DNAH9: variants seen among roughly 807,000 people sequenced by gnomAD.
DNAH9 encodes DNAH9 variant protein.
DNAH9 carries 345 observed loss-of-function variants against 471.6 expected under a neutral mutation model. That is an observed-to-expected ratio of 0.73 (90% confidence interval 0.67 to 0.80). DNAH9 has a LOEUF of 0.80. Ranked by LOEUF, DNAH9 falls within the 30% of genes least tolerant of loss-of-function variation. DNAH9 has a pLI of 0.00. For synonymous variants in DNAH9, 2,093 were observed against 2,123.6 expected, an observed-to-expected ratio of 0.99 and a Z score of 0.40; for missense variants, 5,407 against 5,609.2, an observed-to-expected ratio of 0.96 and a Z score of 1.15.
chr17:11,891,622 C>T (rs1164675117), intron 57 of DNAH9, among the ~76,000 whole-genome samples, 155 bp from the exon 58 acceptor site: 1 of 89,570 alleles, frequency 1.1e-5, no homozygotes, highest in African/African-American at 2.8e-5. Context: ...ACCTTGGCCT[C>T]CCAAAGCACT....
Position 11,719,438 on chromosome 17 carries a change from C to T in DNAH9, c.5657C>T (p.Ala1886Val). 1 of 1,613,920 alleles carries T rather than the reference C, an allele frequency of 6.2e-7. No homozygotes were observed. Among genetic ancestry groups the T allele is most frequent in the Admixed American group, 1.7e-5 (1 of 60,008 alleles). Residue 1886 changes from alanine (A) to valine (V), a missense_variant, in exon 27 of 69, where the codon GCA becomes GTA. By Grantham distance (64) the Ala-to-Val change is moderately conservative (BLOSUM62 0). This residue lies in a region of DNAH9 where 4,636 missense variants were observed against 4,900.3 expected (regional missense o/e 0.95). Transcript: ENST00000262442. The part of the protein sequence containing the change: ...KTETTKDLGR[A>V]LGILVYVFNC... Reference sequence around the variant, plus strand: ...GAGACCACCAAGGACCTGGGCCGCGCACTGGGCATCCTGGTCTATGTGTTC... The same window carrying T: ...GAGACCACCAAGGACCTGGGCCGCGTACTGGGCATCCTGGTCTATGTGTTC...
intron 38 of DNAH9, among the ~76,000 whole-genome samples, chr17:11,774,563 TGA>T (rs1200838848): frequency 2.0e-5 from 3 of 152,090 alleles, no homozygotes; most frequent in African/African-American, 7.2e-5. Context: ...TCAAATCTCA[TGA>T]GACTTATTCA....
intron 27 of DNAH9, among the ~76,000 whole-genome samples, chr17:11,721,849 G>T (rs2075065935): frequency 6.6e-6 from 1 of 152,200 alleles, no homozygotes; most frequent in African/African-American, 2.4e-5. Flanking sequence ...ATATTCCAGA[G>T]TAGGGGGAGA....
At chr17:11,800,773 C>T (rs1567811292) in intron 43 of DNAH9, among the ~76,000 whole-genome samples, 2 of 152,180 alleles carry the variant, frequency 1.3e-5, no homozygotes, top group Non-Finnish European at 2.9e-5. Flanking sequence ...TGTCTGTTTG[C>T]ATCATCCACT....
intron 43 of DNAH9, among the ~76,000 whole-genome samples, chr17:11,800,349 C>T (rs144871583): frequency 2.0e-5 from 3 of 151,342 alleles, no homozygotes; most frequent in Admixed American, 1.3e-4. Context: ...CTTCACCTCT[C>T]GCTGTAATTA....
At chr17:11,965,431 A>AAGAATATAGACTTTACAG (rs1472390448) in intron 68 of DNAH9, among the ~76,000 whole-genome samples, 3 of 152,238 alleles carry the variant, frequency 2.0e-5, no homozygotes, top group African/African-American at 7.2e-5. Flanking sequence ...ATACTTGACA[A>AAGAATATAGACTTTACAG]AGAATATAGA....
intron 39 of DNAH9, 41 bp from the exon 40 acceptor site, chr17:11,783,605 G>A (rs1968747648): frequency 6.5e-7 from 1 of 1,537,270 alleles, no homozygotes; most frequent in East Asian, 2.3e-5. Context: ...ACCTGCCTCA[G>A]TCCTCAGACA....
chr17:11,930,118 A>T, intron 63 of DNAH9, 25 bp downstream of exon 63: 1 of 1,590,822 alleles, frequency 6.3e-7, no homozygotes, highest in Non-Finnish European at 8.6e-7. Flanking sequence ...GGGAGGCAAA[A>T]ACAGCAGCAC....
At chr17:11,946,953 T>C (rs561027267) in intron 67 of DNAH9, among the ~76,000 whole-genome samples, 3 of 152,282 alleles carry the variant, frequency 2.0e-5, no homozygotes, top group East Asian at 3.9e-4. Context: ...GAAAAAGATA[T>C]TGTTATTCAC....
At chr17:11,873,715 CAT>C (rs993022563) in intron 52 of DNAH9, among the ~76,000 whole-genome samples, 1 of 145,698 alleles carries the variant, frequency 6.9e-6, no homozygotes, top group Non-Finnish European at 1.5e-5. Flanking sequence ...GGACAGAAAA[CAT>C]ATTCATAGTT....
At chr17:11,718,706 A>T (rs571390432) in intron 26 of DNAH9, among the ~76,000 whole-genome samples, 1 of 152,298 alleles carries the variant, frequency 6.6e-6, no homozygotes, top group African/African-American at 2.4e-5. Flanking sequence ...AGTTCTGGAG[A>T]TTAAACAATG....
intron 26 of DNAH9, among the ~76,000 whole-genome samples, chr17:11,712,542 CAT>C (rs138185261): frequency 0.015 from 2,318 of 152,236 alleles, 30 homozygotes; most frequent in Non-Finnish European, 0.021. Flanking sequence ...ACACCAACAA[CAT>C]GTGAGGATTC....
At chr17:11,762,766 T>TTTTTG (rs777342371) in intron 35 of DNAH9, among the ~76,000 whole-genome samples, 10 of 87,236 alleles carry the variant, frequency 1.1e-4, no homozygotes, top group Non-Finnish European at 2.3e-4. Context: ...GCGTTTTTTT[T>TTTTTG]TTTGTTTTTT....
intron 38 of DNAH9, among the ~76,000 whole-genome samples, 172 bp from the exon 39 acceptor site, chr17:11,780,837 C>G (rs568166606): frequency 6.8e-4 from 103 of 152,332 alleles, no homozygotes; most frequent in Middle Eastern, 6.8e-3. Context: ...CTTTCTGGTC[C>G]TGTAGAATGC....
chr17:11,942,170 T>C, intron 66 of DNAH9, 133 bp from the exon 67 acceptor site: 1 of 1,243,606 alleles, frequency 8.0e-7, no homozygotes. Context: ...CAGGCAAGAG[T>C]TTGGCCATGT....
intron 48 of DNAH9, among the ~76,000 whole-genome samples, chr17:11,831,615 C>A (rs531040590): frequency 1.3e-5 from 2 of 152,282 alleles, no homozygotes; most frequent in East Asian, 3.9e-4. Flanking sequence ...GGCTTCTTCT[C>A]CTTCTATGGC....
intron 20 of DNAH9, among the ~76,000 whole-genome samples, chr17:11,690,790 T>C (rs950720284): frequency 6.6e-6 from 1 of 152,234 alleles, no homozygotes; most frequent in East Asian, 1.9e-4. Flanking sequence ...AAAATTCAAG[T>C]GTCCACTGAA....
chr17:11,920,314 T>C (rs1442905262), intron 61 of DNAH9, among the ~76,000 whole-genome samples: 1 of 151,416 alleles, frequency 6.6e-6, no homozygotes, highest in Non-Finnish European at 1.5e-5. Flanking sequence ...GGGATTATGG[T>C]TGGAGTTAAG....
intron 26 of DNAH9, among the ~76,000 whole-genome samples, chr17:11,717,962 C>T (rs1343128351): frequency 6.6e-6 from 1 of 152,194 alleles, no homozygotes; most frequent in East Asian, 1.9e-4. Flanking sequence ...CAACCTCCTC[C>T]TCCCAGGCTC....
Sources: allele counts gnomAD v4.1 joint callset (sites outside exome capture counted in the v4.1 genomes callset), GRCh38; gene constraint gnomAD v4.1.1; regional missense constraint gnomAD v4.1.1; transcripts MANE v1.5; gene names NCBI Gene and HGNC (gene_info 2026-07-23, HGNC 2026-07-21).